ANKRD18B: variants seen among roughly 807,000 people sequenced by gnomAD.
ANKRD18B encodes ankyrin repeat domain-containing protein 18B.
Under a neutral mutation model 111.8 loss-of-function variants are expected in ANKRD18B, and 75 were observed. The ratio of observed to expected loss-of-function variants is 0.67; its 90% CI spans 0.56 to 0.81. ANKRD18B has a LOEUF of 0.81. Among genes scored for constraint, ANKRD18B ranks in the 40% least tolerant of loss-of-function variants. The pLI is 0.00. For synonymous variants in ANKRD18B, 356 were observed against 417.3 expected, an observed-to-expected ratio of 0.85 and a Z score of 1.79; for missense variants, 1,038 against 1,225.5, an observed-to-expected ratio of 0.85 and a Z score of 2.28.
chr9:33,540,205 A>G lies in ANKRD18B; in HGVS notation c.990A>G (p.Pro330=), dbSNP rs529031569. The change falls in exon 8 of 19, where the codon CCA becomes CCG. Residue 330 remains proline, a synonymous_variant. Transcript: ENST00000684830. ...GCTGGGACAACAGGCACATGCGACCATGCCCAGGTAATTTTTGTATTTTTA... is the reference window on the plus strand; with the variant it reads ...GCTGGGACAACAGGCACATGCGACCGTGCCCAGGTAATTTTTGTATTTTTA... The part of the protein sequence containing the change: ...PRSWDNRHMR[P]CPETAAMKPE... 4.0e-5 allele frequency: 6 copies of G among 151,314 alleles called. No homozygotes were observed. Among genetic ancestry groups the G allele is most frequent in the African/African-American group, 1.5e-4 (6 of 41,216 alleles). The allele number at this position is 151,314 out of a possible 1,614,324, so 9.4% of individuals were successfully genotyped here. A position where few individuals can be genotyped will look rare whatever the true frequency, so the allele number is the denominator to read the frequency against.
At chr9:33,540,705 G>C (rs1828265888) in intron 8 of ANKRD18B, among the ~76,000 whole-genome samples, 1 of 151,774 alleles carries the variant, frequency 6.6e-6, no homozygotes, top group Admixed American at 6.6e-5. Context: ...AGGCCATGTG[G>C]TCTCTCTCTC....
In ANKRD18B at chr9:33,524,675, C is replaced by A. The variant is rs762083070; in HGVS notation, c.186C>A (p.Asp62Glu). ...TGACGCGCAGGTTCCGGGACTTGGA[C>A]GTCCGCGACAGAAAAGACAGGTAGC... ...HCLTRRFRDL[D>E]VRDRKDRTVL... is the part of the protein sequence containing the mutation. Residue 62 changes from aspartate to glutamate, a missense_variant, in exon 1 of 19, where the codon GAC becomes GAA. Physicochemically the swap from Asp to Glu is conservative, Grantham distance 45 (BLOSUM62 2). Transcript: ENST00000684830. 6.4e-7 allele frequency: 1 copy of A among 1,550,496 alleles called. No individual in the cohort carries two copies. The highest frequency in any genetic ancestry group is 8.7e-7 in the Non-Finnish European group (1 of 1,146,606).
chr9:33,556,792 CTTTG>C (rs1828533719), intron 13 of ANKRD18B, among the ~76,000 whole-genome samples: 1 of 152,044 alleles, frequency 6.6e-6, no homozygotes, highest in African/African-American at 2.4e-5. Flanking sequence ...GTTTCTGCTT[CTTTG>C]TTTTTCTTTT....
intron 14 of ANKRD18B, among the ~76,000 whole-genome samples, chr9:33,562,835 G>GA (rs1828626775): frequency 6.6e-6 from 1 of 152,170 alleles, no homozygotes; most frequent in South Asian, 2.1e-4. Context: ...AAAGGAAAAT[G>GA]AAAATCGAAT....
At position 33,524,465 on chromosome 9, in the gene ANKRD18B, G is replaced by T. The variant is rs1279554821; in HGVS notation, c.-25G>T. 2.0e-6 allele frequency: 3 copies of T among 1,529,424 alleles called. No individual in the cohort carries two copies. In the African/African-American group the frequency reaches 4.2e-5, roughly 21 times the overall value. The allele number at this position is 1,529,424 out of a possible 1,614,324, so 94.7% of individuals were successfully genotyped here. On this transcript the variant is annotated 5_prime_UTR_variant, in exon 1 of 19. Transcript: ENST00000684830. Reference sequence around the variant, plus strand: ...GAGCCGCGGCGTCTCAGGAGCGGGTGGTGGGCATCTGAGAAGTCGCCACCA... The same window carrying T: ...GAGCCGCGGCGTCTCAGGAGCGGGTTGTGGGCATCTGAGAAGTCGCCACCA...
rs753194150 is a variant in ANKRD18B at position 33,529,027 on chromosome 9, G to C, written c.349G>C (p.Ala117Pro). ...TGTACACTGCCAGGAAGAGGCTTGT[G>C]CCATTATTCTCCTGAAACGTGGCGC... ...KAVHCQEEAC[A>P]IILLKRGANP... is the part of the protein sequence containing the mutation. The change falls in exon 3 of 19, where the codon GCC (alanine) becomes CCC (proline). Residue 117 changes from alanine (A) to proline (P), a missense_variant. By Grantham distance (27) the Ala-to-Pro change is conservative. Around this residue, in one of 4 missense-constraint regions of ANKRD18B, gnomAD observed 216 missense variants for 205.1 expected, o/e 1.05. Transcript: ENST00000684830. 2.1e-5 allele frequency: 34 copies of C among 1,612,270 alleles called. No homozygotes were observed. Among genetic ancestry groups the C allele is most frequent in the Non-Finnish European group, 2.7e-5 (32 of 1,179,868 alleles).
Position 33,529,030 on chromosome 9 carries a change from A to G in ANKRD18B, c.352A>G (p.Ile118Val). Residue 118 changes from isoleucine to valine, a missense_variant, in exon 3 of 19, where the codon ATT becomes GTT. Physicochemically the swap from Ile to Val is conservative, Grantham distance 29. This residue lies in a region of ANKRD18B where 216 missense variants were observed against 205.1 expected (regional missense o/e 1.05). Transcript: ENST00000684830. ...AVHCQEEACA[I>V]ILLKRGANPN... ...ACACTGCCAGGAAGAGGCTTGTGCCATTATTCTCCTGAAACGTGGCGCCAA... is the reference window on the plus strand; with the variant it reads ...ACACTGCCAGGAAGAGGCTTGTGCCGTTATTCTCCTGAAACGTGGCGCCAA... 1 of 1,612,360 alleles carries G rather than the reference A, an allele frequency of 6.2e-7. No homozygotes were observed.
chr9:33,565,833 A>G (rs965738478), intron 14 of ANKRD18B, among the ~76,000 whole-genome samples: 1 of 152,210 alleles, frequency 6.6e-6, no homozygotes, highest in Non-Finnish European at 1.5e-5. Context: ...TTTGGCCTAA[A>G]TAACTCAATA....
intron 14 of ANKRD18B, among the ~76,000 whole-genome samples, chr9:33,562,769 C>G (rs1236927981): frequency 6.6e-6 from 1 of 152,144 alleles, no homozygotes; most frequent in Non-Finnish European, 1.5e-5. Context: ...GTTTATTTTA[C>G]TTCTGTGAAG....
rs552833785 is a variant in ANKRD18B at position 33,543,236 on chromosome 9, G to A, written c.1130G>A (p.Ser377Asn). 4.3e-5 allele frequency: 67 copies of A among 1,552,230 alleles called. No homozygotes were observed. In the African/African-American group the frequency reaches 8.3e-4, roughly 19 times the overall value. ...SEEKQERLER[S>N]ENKQPQDSQS... ...GAAAAGCAAGAAAGGCTTGAAAGAA[G>A]TGAAAATAAACAGCCGCAGGTATAT... The change falls in exon 10 of 19, where the codon AGT becomes AAT. Residue 377 changes from serine to asparagine, a missense_variant. By Grantham distance (46) the Ser-to-Asn change is conservative. Around this residue, in one of 4 missense-constraint regions of ANKRD18B, gnomAD observed 205 missense variants for 201.3 expected, o/e 1.02. Coordinates refer to ENST00000684830, the MANE Select transcript of ANKRD18B (RefSeq NM_001393611.1).
chr9:33,566,132 G>T, intron 14 of ANKRD18B, 87 bp from the exon 15 acceptor site: 3 of 1,145,710 alleles, frequency 2.6e-6, no homozygotes, highest in African/African-American at 1.6e-5. Context: ...TATTGCAAGT[G>T]GATGCATTTC....
In ANKRD18B at chr9:33,572,759, AAGAGT is replaced by A. The variant is rs746532422; in HGVS notation, c.*327_*331del. ...ATTACCATATATAGTAGGAGACTTA[AAGAGT>A]ATCTGCCAGGTTTGTCCATACTAGT... On this transcript the variant is annotated 3_prime_UTR_variant, in exon 19 of 19. Transcript: ENST00000684830. 38 of 1,001,468 alleles carry A rather than the reference AAGAGT, an allele frequency of 3.8e-5. No homozygotes were observed. Among genetic ancestry groups the A allele is most frequent in the Non-Finnish European group, 4.5e-5 (38 of 837,492 alleles). The allele number at this position is 1,001,468 out of a possible 1,614,324, so 62.0% of individuals were successfully genotyped here.
chr9:33,561,259 G>A (rs924131912), intron 14 of ANKRD18B, among the ~76,000 whole-genome samples: 1 of 152,060 alleles, frequency 6.6e-6, no homozygotes, highest in Non-Finnish European at 1.5e-5. Context: ...ACCACAAGGT[G>A]GTTTTGATTT....
In ANKRD18B at chr9:33,566,401, A is replaced by G. The variant is rs1435544395; in HGVS notation, c.2643A>G (p.Glu881=). 2 of 1,605,608 alleles carry G rather than the reference A, an allele frequency of 1.2e-6. No individual in the cohort carries two copies. Among genetic ancestry groups the G allele is most frequent in the South Asian group, 2.2e-5 (2 of 90,216 alleles). Residue 881 remains glutamate (E), a synonymous_variant, in exon 15 of 19, where the codon GAA becomes GAG. Coordinates refer to ENST00000684830, the MANE Select transcript of ANKRD18B (RefSeq NM_001393611.1). ...EKVLNLKTHM[E]KDMVELGKVQ... is the part of the protein sequence containing the mutation. ...TATTAAATCTTAAGACACATATGGA[A>G]AAAGATATGGTAGAACTTGGTAAAG... is the stretch of plus-strand genomic sequence containing the variant.
In ANKRD18B at chr9:33,568,673, C is replaced by G; in HGVS notation, c.2957C>G (p.Ser986Trp). 1 of 1,533,670 alleles carries G rather than the reference C, an allele frequency of 6.5e-7. No homozygotes were observed. Among genetic ancestry groups the G allele is most frequent in the Non-Finnish European group, 8.8e-7 (1 of 1,140,910 alleles). Residue 986 changes from serine to tryptophan, a missense_variant and splice_region_variant, in exon 17 of 19, where the codon TCG becomes TGG. Ser to Trp is a radical substitution (Grantham distance 177). Around this residue, in one of 4 missense-constraint regions of ANKRD18B, gnomAD observed 524 missense variants for 677.9 expected, o/e 0.77. Coordinates refer to ENST00000684830, the MANE Select transcript of ANKRD18B (RefSeq NM_001393611.1). ...ATTTGTCTTTGCTCTCTTTACAGAT[C>G]GGATAAGAAAATAGCTGTGATCAGC... ...NSSMSEKITK[S>W]DKKIAVISTK...
At chr9:33,528,248 G>A (rs942340903) in intron 1 of ANKRD18B, among the ~76,000 whole-genome samples, 6 of 152,202 alleles carry the variant, frequency 3.9e-5, no homozygotes, top group African/African-American at 1.2e-4. Flanking sequence ...CTGCAGTGAG[G>A]CATAAATACA....
At chr9:33,573,123 TG>T, downstream of ANKRD18B, 2 of 1,255,232 alleles carry the variant, frequency 1.6e-6, no homozygotes, top group Non-Finnish European at 2.0e-6. Context: ...TTTTACTTTC[TG>T]GCACAAGGTG....
chr9:33,571,006 C>A (rs937487053), intron 17 of ANKRD18B, among the ~76,000 whole-genome samples: 7 of 152,134 alleles, frequency 4.6e-5, no homozygotes, highest in African/African-American at 1.4e-4. Flanking sequence ...CCAATATTAT[C>A]TATTTTTGTC....
rs757047319 is a variant in ANKRD18B at position 33,567,312 on chromosome 9, G to A, written c.2952G>A (p.Thr984=). The stretch of plus-strand genomic sequence containing the variant: ...ACAGTTCCATGTCAGAAAAAATAAC[G>A]AAGTAAGTCAAAACATATACTCATA... ...KANSSMSEKI[T]KSDKKIAVIS... The change falls in exon 16 of 19, where the codon ACG becomes ACA. Residue 984 remains threonine, a splice_region_variant and synonymous_variant. Transcript: ENST00000684830. The A allele has an allele frequency of 2.3e-5, 36 of 1,539,726 alleles. No individual in the cohort carries two copies. The highest frequency in any genetic ancestry group is 7.5e-5 in the South Asian group (6 of 80,526).
Sources: allele counts gnomAD v4.1 joint callset (sites outside exome capture counted in the v4.1 genomes callset), GRCh38; gene constraint gnomAD v4.1.1; regional missense constraint gnomAD v4.1.1; transcripts MANE v1.5; gene names NCBI Gene and HGNC (gene_info 2026-07-23, HGNC 2026-07-21).